Variants in OSGEPL1 observed in about 807,000 individuals in gnomAD.
OSGEPL1 encodes the protein O-sialoglycoprotein endopeptidase like 1.
A neutral mutation model predicts 37.2 loss-of-function variants in OSGEPL1; 26 were observed. The observed-to-expected ratio is 0.70, with a 90% confidence interval of 0.51 to 0.97. The LOEUF (loss-of-function observed/expected upper bound fraction) is 0.97. OSGEPL1 is among the 50% of genes least tolerant of loss of function. The pLI is 0.00. For synonymous variants in OSGEPL1, 140 were observed against 159.9 expected, an observed-to-expected ratio of 0.88 and a Z score of 0.94; for missense variants, 404 against 487.0, an observed-to-expected ratio of 0.83 and a Z score of 1.60.
At chr2:189,754,781 G>A (rs1469225450) in intron 3 of OSGEPL1, 1 of 244,976 alleles carries the variant, frequency 4.1e-6, no homozygotes, top group East Asian at 1.2e-4. Flanking sequence ...TGTCTGTGGT[G>A]TAAGTAATTG....
intron 8 of OSGEPL1, among the ~76,000 whole-genome samples, chr2:189,749,193 C>T (rs1182323795): frequency 7.1e-6 from 1 of 139,986 alleles, no homozygotes; most frequent in African/African-American, 2.6e-5. Context: ...TTGCAGTGAG[C>T]CGAGATCGAG....
intron 2 of OSGEPL1, among the ~76,000 whole-genome samples, chr2:189,757,735 A>C (rs1244040240): frequency 2.0e-5 from 3 of 152,196 alleles, no homozygotes; most frequent in Non-Finnish European, 4.4e-5. Context: ...CATATGTCTC[A>C]TTTATATTTG....
chr2:189,754,077 G>A lies in OSGEPL1; in HGVS notation c.815-13C>T, dbSNP rs2045694435. On this transcript the variant is annotated splice_polypyrimidine_tract_variant and intron_variant, in intron 4 of 8. Coordinates refer to ENST00000264151, the MANE Select transcript of OSGEPL1 (RefSeq NM_022353.3). ...CCCTTCTCAATACCTGCAGAAATGA[G>A]CAGCTATTTTTAGGCACAATCCAGG... 6.2e-7 allele frequency: 1 copy of A among 1,612,062 alleles called. No individual in the cohort carries two copies. Among genetic ancestry groups the A allele is most frequent in the African/African-American group, 1.3e-5 (1 of 75,020 alleles).
chr2:189,752,751 C>T, intron 6 of OSGEPL1, 27 bp from the exon 7 acceptor site: 1 of 1,613,580 alleles, frequency 6.2e-7, no homozygotes, highest in Non-Finnish European at 8.5e-7. Context: ...AAAATAAAAT[C>T]AATAGCTCCA....
intron 1 of OSGEPL1, among the ~76,000 whole-genome samples, 185 bp from the exon 2 acceptor site, chr2:189,761,845 CAG>C (rs377043396): frequency 3.5e-4 from 54 of 152,120 alleles, no homozygotes; most frequent in African/African-American, 1.0e-3. Flanking sequence ...AGGGGGAAAA[CAG>C]GGGTCAGATA....
chr2:189,756,228 G>C (rs191694148), intron 2 of OSGEPL1, among the ~76,000 whole-genome samples: 1 of 152,268 alleles, frequency 6.6e-6, no homozygotes, highest in Admixed American at 6.5e-5. Context: ...TTGGGAATCT[G>C]GTGCTCAGAG....
chr2:189,763,092 A>G (rs1310142709), upstream of OSGEPL1: 3 of 985,244 alleles, frequency 3.0e-6, no homozygotes, highest in African/African-American at 1.7e-5. Flanking sequence ...ACTGTGAGAA[A>G]AGGATGGGGT....
chr2:189,750,141 T>TA (rs912830935), intron 8 of OSGEPL1, among the ~76,000 whole-genome samples: 5 of 151,264 alleles, frequency 3.3e-5, no homozygotes, highest in Non-Finnish European at 7.4e-5. Context: ...ATAATAATGA[T>TA]AAAAAAAAAT....
chr2:189,746,735 A>G lies in OSGEPL1; in HGVS notation c.*462T>C. The G allele has an allele frequency of 8.4e-7, 1 of 1,185,354 alleles. No homozygotes were observed. Among genetic ancestry groups the G allele is most frequent in the Admixed American group, 3.4e-5 (1 of 29,608 alleles). 73.4% of individuals were successfully genotyped at this position (1,185,354 alleles called of 1,614,324 possible). On this transcript the variant is annotated 3_prime_UTR_variant, in exon 9 of 9. Transcript: ENST00000264151. ...TAACTGAATAATCTTTTTGAATGAA[A>G]GTTCTTGATCTCGATACTAAGCAGA...
chr2:189,758,600 A>C (rs1036874284), intron 2 of OSGEPL1, among the ~76,000 whole-genome samples: 9 of 152,228 alleles, frequency 5.9e-5, no homozygotes, highest in African/African-American at 2.2e-4. Flanking sequence ...ATTTCGTTAT[A>C]GCAGTGCAAG....
rs1302921478 is a variant in OSGEPL1, at chr2:189,755,251, C to T, written c.531G>A (p.Leu177=). 6.2e-7 allele frequency: 1 copy of T among 1,613,514 alleles called. No homozygotes were observed. The highest frequency in any genetic ancestry group is 1.1e-5 in the South Asian group (1 of 91,018). The change falls in exon 3 of 9, where the codon TTG becomes TTA. Residue 177 remains leucine (L), a synonymous_variant. Coordinates refer to ENST00000264151, the MANE Select transcript of OSGEPL1 (RefSeq NM_022353.3). The part of the protein sequence containing the change: ...VLLISGGHCL[L]ALVQGVSDFL... ...AATCTGAAACTCCTTGAACTAATGC[C>T]AACAGACAGTGACCTCCAGAAATCA...
rs1276588179 is a variant in OSGEPL1, at chr2:189,752,859, T to A, written c.1084A>T (p.Met362Leu). 6.2e-7 allele frequency: 1 copy of A among 1,613,634 alleles called. No homozygotes were observed. The highest frequency in any genetic ancestry group is 8.5e-7 in the Non-Finnish European group (1 of 1,179,786). Residue 362 changes from methionine to leucine, a missense_variant, in exon 6 of 9, where the codon ATG (methionine) becomes TTG (leucine). Transcript: ENST00000264151. ...PPRLCTDNGI[M>L]IAWNGIERLR... ...TATCCTGTGGCTTACCATGCAATCA[T>A]AATGCCATTATCAGTGCATAGTCTG...
Position 189,752,421 on chromosome 2 carries a change from C to T in OSGEPL1, c.1166+232G>A, listed in dbSNP as rs145450612. Among the ~76,000 whole-genome samples, 3 of 152,330 alleles carry T rather than the reference C, an allele frequency of 2.0e-5. No individual in the cohort carries two copies. The East Asian group carries it at 5.8e-4, about 29-fold the overall frequency. ...CAAAGGAGGGAATTCATCACCCTTACTCATGACCTGTTTCTAACTCACCTA... is the reference window on the plus strand; with the variant it reads ...CAAAGGAGGGAATTCATCACCCTTATTCATGACCTGTTTCTAACTCACCTA... On this transcript the variant is annotated intron_variant, in intron 7 of 8. Coordinates refer to ENST00000264151, the MANE Select transcript of OSGEPL1 (RefSeq NM_022353.3).
chr2:189,753,974 T>C lies in OSGEPL1; in HGVS notation c.905A>G (p.His302Arg), dbSNP rs765830477. ...CTGCTTACAAAACAGAATAGCCCGA[T>C]GTGTTCTTTTCACAAGATGACATGC... is the stretch of plus-strand genomic sequence containing the variant. ...TMACHLVKRT[H>R]RAILFCKQRD... is the part of the protein sequence containing the mutation. The change falls in exon 5 of 9, where the codon CAT becomes CGT. Residue 302 changes from histidine to arginine, a missense_variant. Physicochemically the swap from His to Arg is conservative, Grantham distance 29. Coordinates refer to ENST00000264151, the MANE Select transcript of OSGEPL1 (RefSeq NM_022353.3). The C allele has an allele frequency of 4.3e-6, 7 of 1,613,728 alleles. No homozygotes were observed. Among genetic ancestry groups the C allele is most frequent in the Middle Eastern group, 1.6e-4 (1 of 6,084 alleles).
In OSGEPL1 at chr2:189,761,591, C is replaced by G. The variant is rs1315656001; in HGVS notation, c.50G>C (p.Arg17Thr). Residue 17 changes from arginine to threonine, a missense_variant, in exon 2 of 9, where the codon AGG becomes ACG. Arg to Thr is a moderately conservative substitution (Grantham distance 71, BLOSUM62 -1). Coordinates refer to ENST00000264151, the MANE Select transcript of OSGEPL1 (RefSeq NM_022353.3). ...ACTTCTTAAAAATTCATAAACTTTCCTTTTTGATGGTTTAAAAAAAACTCC... is the reference window on the plus strand; with the variant it reads ...ACTTCTTAAAAATTCATAAACTTTCGTTTTTGATGGTTTAAAAAAAACTCC... Reference protein sequence around the residue: ...TAGVFFKPSKRKVYEFLRSFN... With the variant: ...TAGVFFKPSKTKVYEFLRSFN... 1 of 1,608,952 alleles carries G rather than the reference C, an allele frequency of 6.2e-7. No individual in the cohort carries two copies. Among genetic ancestry groups the G allele is most frequent in the African/African-American group, 1.3e-5 (1 of 74,684 alleles).
rs778801660 is a variant in OSGEPL1, at chr2:189,752,948, T to C, written c.995A>G (p.Tyr332Cys). The C allele has an allele frequency of 2.5e-6, 4 of 1,612,842 alleles. No homozygotes were observed. The highest frequency in any genetic ancestry group is 1.6e-4 in the Middle Eastern group (1 of 6,074). Residue 332 changes from tyrosine (Y) to cysteine (C), a missense_variant, in exon 6 of 9, where the codon TAT (tyrosine) becomes TGT (cysteine). Tyr to Cys is a radical substitution (Grantham distance 194). Coordinates refer to ENST00000264151, the MANE Select transcript of OSGEPL1 (RefSeq NM_022353.3). ...VASGGVASNF[Y>C]IRRALEILTN... is the part of the protein sequence containing the mutation. Reference sequence around the variant, plus strand: ...TAAAATTTCCAGAGCTCTGCGGATATAGAAGTTACTTGCGACACCACCAGA... The same window carrying C: ...TAAAATTTCCAGAGCTCTGCGGATACAGAAGTTACTTGCGACACCACCAGA...
Position 189,761,586 on chromosome 2 carries a change from CT to C in OSGEPL1, c.54del (p.Val19PhefsTer5). 1 of 1,610,120 alleles carries C rather than the reference CT, an allele frequency of 6.2e-7. No homozygotes were observed. Among genetic ancestry groups the C allele is most frequent in the Non-Finnish European group, 8.5e-7 (1 of 1,178,370 alleles). Reference protein sequence around the residue: ...AGVFFKPSKRKVYEFLRSFNF... With the variant: ...AGVFFKPSKRXVYEFLRSFNF... ...TTAAAACTTCTTAAAAATTCATAAA[CT>C]TTCCTTTTTGATGGTTTAAAAAAAA... On this transcript the variant is annotated frameshift_variant, in exon 2 of 9. Transcript: ENST00000264151. LOFTEE classifies it high-confidence loss of function.
At chr2:189,747,823 T>A (rs1313892479) in intron 8 of OSGEPL1, among the ~76,000 whole-genome samples, 1 of 152,110 alleles carries the variant, frequency 6.6e-6, no homozygotes, top group Non-Finnish European at 1.5e-5. Context: ...GTAGCTGCGG[T>A]TACAGGCGCC....
intron 2 of OSGEPL1, among the ~76,000 whole-genome samples, chr2:189,756,303 G>A (rs1370727695): frequency 6.6e-6 from 1 of 152,064 alleles, no homozygotes; most frequent in Non-Finnish European, 1.5e-5. Context: ...CAAGTGTAAA[G>A]AACTAAGAGA....
Sources: gnomAD v4.1 joint callset for allele counts (sites outside exome capture counted in the v4.1 genomes callset) on GRCh38, gnomAD v4.1.1 for gene constraint, MANE v1.5 for transcripts, NCBI Gene and HGNC (gene_info 2026-07-23, HGNC 2026-07-21) for gene names.